The following ZNF43 variants were observed in gnomAD, a reference collection of about 807,000 sequenced individuals.
ZNF43 encodes the protein zinc finger protein 43.
ZNF43 carries 44 observed loss-of-function variants against 68.4 expected under a neutral mutation model. The ratio of observed to expected loss-of-function variants is 0.64; its 90% CI spans 0.51 to 0.83. The LOEUF is 0.83. Ranked by LOEUF, ZNF43 falls within the 40% of genes least tolerant of loss-of-function variation. The pLI is 0.00. For synonymous variants in ZNF43, 308 were observed against 307.8 expected, an observed-to-expected ratio of 1.00 and a Z score of -0.01; for missense variants, 896 against 933.2, an observed-to-expected ratio of 0.96 and a Z score of 0.52.
chr19:21,825,861 G>A (rs1449863317), intron 1 of ZNF43, among the ~76,000 whole-genome samples: 1 of 152,154 alleles, frequency 6.6e-6, no homozygotes, highest in East Asian at 1.9e-4. Context: ...GACCAATCCA[G>A]CCAATATGGT....
chr19:21,840,945 C>A (rs771684804), upstream of ZNF43: 5 of 152,350 alleles, frequency 3.3e-5, no homozygotes, highest in Non-Finnish European at 5.9e-5. Flanking sequence ...ACCATCTTAA[C>A]TGTTGTCACA....
At chr19:21,832,176 A>G (rs114999467) in intron 1 of ZNF43, among the ~76,000 whole-genome samples, 3,504 of 152,298 alleles carry the variant, frequency 0.023, 143 homozygotes, top group African/African-American at 0.077. Flanking sequence ...GTACTGTTAT[A>G]GAAACAAACT....
At chr19:21,809,940 T>C (rs964654218) in intron 3 of ZNF43, 133 bp from the exon 4 acceptor site, 3 of 857,222 alleles carry the variant, frequency 3.5e-6, no homozygotes, top group Non-Finnish European at 5.0e-6. Context: ...CTAATTTATT[T>C]ATAGACATAT....
intron 3 of ZNF43, among the ~76,000 whole-genome samples, chr19:21,814,845 C>T (rs1007035205): frequency 6.6e-6 from 1 of 151,924 alleles, no homozygotes; most frequent in African/African-American, 2.4e-5. Context: ...AAGAAATACA[C>T]TAATATGAAA....
chr19:21,846,607 C>T (rs1010771146), intron 1 of ZNF43, among the ~76,000 whole-genome samples: 1 of 152,068 alleles, frequency 6.6e-6, no homozygotes, highest in African/African-American at 2.4e-5. Context: ...CTTATGTGAG[C>T]AGGGCCAAGA....
intron 1 of ZNF43, among the ~76,000 whole-genome samples, chr19:21,829,944 C>T (rs1347778770): frequency 1.3e-5 from 2 of 151,940 alleles, no homozygotes; most frequent in African/African-American, 2.4e-5. Context: ...GAGAGTTAGA[C>T]AAAAAAATGA....
chr19:21,833,729 A>T (rs889623303), intron 1 of ZNF43, among the ~76,000 whole-genome samples: 1 of 151,712 alleles, frequency 6.6e-6, no homozygotes, highest in African/African-American at 2.4e-5. Context: ...ACCTAAAAAC[A>T]TTCTGAAAAA....
intron 1 of ZNF43, among the ~76,000 whole-genome samples, chr19:21,844,921 A>AAAAAAAAAAATATATATATAT (rs1310761266): frequency 1.5e-4 from 4 of 26,044 alleles, no homozygotes; most frequent in African/African-American, 8.7e-4. Context: ...AAAAAAAAAA[A>AAAAAAAAAAATATATATATAT]ATATATATAT....
Position 21,807,230 on chromosome 19 carries a change from C to CT in ZNF43, c.*376dup, listed in dbSNP as rs1292452198. On this transcript the variant is annotated 3_prime_UTR_variant, in exon 4 of 4. Coordinates refer to ENST00000354959, the MANE Select transcript of ZNF43 (RefSeq NM_003423.4). ...AAGATCTGTGATGCAAGTAATGGTA[C>CT]TACAACCCTCTTAATATTTGTAATG... The CT allele has an allele frequency of 6.2e-6, 1 of 161,292 alleles. No homozygotes were observed. Among genetic ancestry groups the CT allele is most frequent in the Non-Finnish European group, 1.4e-5 (1 of 73,790 alleles). 10.0% of individuals were successfully genotyped at this position (161,292 alleles called of 1,614,324 possible).
chr19:21,830,385 T>C (rs2038367759), intron 1 of ZNF43, among the ~76,000 whole-genome samples: 1 of 150,202 alleles, frequency 6.7e-6, no homozygotes, highest in Admixed American at 6.6e-5. Context: ...GAGAGATTAA[T>C]GAAGAAAGAG....
intron 1 of ZNF43, among the ~76,000 whole-genome samples, chr19:21,824,668 G>T (rs151095137): frequency 6.7e-6 from 1 of 148,816 alleles, no homozygotes; most frequent in East Asian, 2.0e-4. Flanking sequence ...AAGCAAGCAG[G>T]GTACAATCAA....
At chr19:21,835,646 C>T (rs563664135) in intron 1 of ZNF43, among the ~76,000 whole-genome samples, 59 of 152,174 alleles carry the variant, frequency 3.9e-4, no homozygotes, top group Non-Finnish European at 7.9e-4. Context: ...TGACCCACCG[C>T]GCCCGGCCGA....
chr19:21,837,879 CCTCT>C (rs902848140), upstream of ZNF43: 3 of 152,268 alleles, frequency 2.0e-5, no homozygotes, highest in South Asian at 2.1e-4. Context: ...CCTCCTCCTT[CCTCT>C]CTCTCTTTCT....
rs1465980892 is a variant in ZNF43 at position 21,819,192 on chromosome 19, T to A, written c.33A>T (p.Ile11=). The change falls in exon 2 of 4, where the codon ATA becomes ATT. Residue 11 remains isoleucine (I), a synonymous_variant. Coordinates refer to ENST00000354959, the MANE Select transcript of ZNF43 (RefSeq NM_003423.4). MGPLTFMDVA[I]EFCLEEWQCL... ...ATTGCCACTCCTCCAGACAGAATTC[T>A]ATGGCCACATCCATAAATGTCAATG... is the stretch of plus-strand genomic sequence containing the variant. 2.5e-6 allele frequency: 4 copies of A among 1,605,702 alleles called. No individual in the cohort carries two copies. The highest frequency in any genetic ancestry group is 3.4e-6 in the Non-Finnish European group (4 of 1,177,480).
In ZNF43 at chr19:21,827,004, GA is replaced by G. The variant is rs778796074; in HGVS notation, c.4-7784del. The G allele has an allele frequency of 4.2e-4, 59 of 141,318 alleles. 1 individual carries two copies. The East Asian group carries it at 6.1e-3, about 14-fold the overall frequency. The allele number at this position is 141,318 out of a possible 1,614,324, so 8.8% of individuals were successfully genotyped here. On this transcript the variant is annotated intron_variant, in intron 1 of 3. Transcript: ENST00000354959. ...CTCCATTTGAGTAACACTGTATTGA[GA>G]AAAAAAAAAAGAAGTTCAAAGCATC... is the stretch of plus-strand genomic sequence containing the variant.
chr19:21,819,664 T>C (rs1378461246), intron 1 of ZNF43, among the ~76,000 whole-genome samples: 1 of 152,180 alleles, frequency 6.6e-6, no homozygotes, highest in Admixed American at 6.5e-5. Context: ...TGGAATAAAG[T>C]CTGAGTTTCT....
chr19:21,817,521 A>G (rs754827985), intron 3 of ZNF43, among the ~76,000 whole-genome samples: 3 of 152,230 alleles, frequency 2.0e-5, no homozygotes, highest in Non-Finnish European at 4.4e-5. Flanking sequence ...TTCAGACATG[A>G]TGTAAAGAAA....
chr19:21,834,248 G>C (rs1372676350), intron 1 of ZNF43, among the ~76,000 whole-genome samples: 1 of 146,584 alleles, frequency 6.8e-6, no homozygotes, highest in Non-Finnish European at 1.5e-5. Context: ...TGAAGCAAAA[G>C]AATCACTTGA....
chr19:21,816,549 C>T (rs537883919), intron 3 of ZNF43, among the ~76,000 whole-genome samples: 1 of 152,280 alleles, frequency 6.6e-6, no homozygotes, highest in South Asian at 2.1e-4. Flanking sequence ...TCCCAAACTG[C>T]TTCCAGCCAC....
Sources: allele counts gnomAD v4.1 joint callset (sites outside exome capture counted in the v4.1 genomes callset), GRCh38; gene constraint gnomAD v4.1.1; transcripts MANE v1.5; gene names NCBI Gene and HGNC (gene_info 2026-07-23, HGNC 2026-07-21).